HAPSTR1: variants seen among roughly 807,000 people sequenced by gnomAD.
HAPSTR1 encodes HUWE1-associated protein modifying stress responses 1.
At chr16:9,103,475 G>C in the HAPSTR1 span, 3 of 531,960 alleles carry the variant, frequency 5.6e-6, no homozygotes, top group Non-Finnish European at 9.8e-6. Flanking sequence ...AAGTTAGTTT[G>C]AGCTTATTGG....
the HAPSTR1 span, among the ~76,000 whole-genome samples, chr16:9,100,174 A>G: frequency 6.6e-6 from 1 of 152,222 alleles, no homozygotes; most frequent in East Asian, 1.9e-4. Context: ...GGGTTCTGAC[A>G]TTGAGACTTG....
chr16:9,094,366 T>G, the HAPSTR1 span, among the ~76,000 whole-genome samples: 1 of 152,188 alleles, frequency 6.6e-6, no homozygotes, highest in Admixed American at 6.6e-5. Flanking sequence ...TCTTGAACGT[T>G]TTGGAATGGC....
the HAPSTR1 span, chr16:9,116,825 C>A: frequency 6.2e-7 from 1 of 1,614,160 alleles, no homozygotes; most frequent in South Asian, 1.1e-5. Flanking sequence ...TCCACTTGGA[C>A]AATGGTGGAA....
At chr16:9,112,305 A>G in the HAPSTR1 span, 1 of 152,360 alleles carries the variant, frequency 6.6e-6, no homozygotes, top group African/African-American at 2.4e-5. Flanking sequence ...CCAATGCAAG[A>G]ATGCCAGTTT....
chr16:9,101,521 G>A, the HAPSTR1 span, among the ~76,000 whole-genome samples: 7 of 152,108 alleles, frequency 4.6e-5, no homozygotes, highest in Non-Finnish European at 1.0e-4. Context: ...TCATTTTAAA[G>A]TATTTTTTCT....
At chr16:9,096,901 T>G in the HAPSTR1 span, among the ~76,000 whole-genome samples, 1 of 152,110 alleles carries the variant, frequency 6.6e-6, no homozygotes, top group Non-Finnish European at 1.5e-5. Context: ...TACATAATAC[T>G]TATTTTTTAT....
At chr16:9,121,467 C>CGA in the HAPSTR1 span, 1 of 152,192 alleles carries the variant, frequency 6.6e-6, no homozygotes, top group South Asian at 2.1e-4. Flanking sequence ...CAGTTTTAAT[C>CGA]TGTTTTTTAC....
At chr16:9,121,536 A>C in the HAPSTR1 span, 1 of 152,140 alleles carries the variant, frequency 6.6e-6, no homozygotes, top group Admixed American at 6.5e-5. Context: ...TGCTGACTCT[A>C]CTACCAGGTC....
the HAPSTR1 span, among the ~76,000 whole-genome samples, chr16:9,115,296 C>A: frequency 6.6e-6 from 1 of 152,164 alleles, no homozygotes; most frequent in East Asian, 1.9e-4. Context: ...AAAGAATGGG[C>A]CCCTGTCAAA....
chr16:9,097,316 C>G, the HAPSTR1 span, among the ~76,000 whole-genome samples: 2,760 of 150,726 alleles, frequency 0.018, 83 homozygotes, highest in African/African-American at 0.062. Flanking sequence ...TGTCTCAGCT[C>G]ACTGTAACCT....
chr16:9,109,948 T>C, the HAPSTR1 span: 1 of 152,120 alleles, frequency 6.6e-6, no homozygotes, highest in Non-Finnish European at 1.5e-5. Context: ...TTGTCCTTTA[T>C]TTACTGAACA....
the HAPSTR1 span, chr16:9,110,646 T>TG: frequency 6.6e-6 from 1 of 152,244 alleles, no homozygotes; most frequent in Non-Finnish European, 1.5e-5. Flanking sequence ...CTCGCCCCTT[T>TG]GGTGTCACTC....
the HAPSTR1 span, among the ~76,000 whole-genome samples, chr16:9,092,482 G>A: frequency 3.2e-4 from 48 of 152,280 alleles, no homozygotes; most frequent in Middle Eastern, 0.01. Flanking sequence ...GAGCCGGCGT[G>A]GGGGTAGCCC....
the HAPSTR1 span, among the ~76,000 whole-genome samples, chr16:9,093,931 A>G: frequency 1.3e-5 from 2 of 152,124 alleles, no homozygotes; most frequent in South Asian, 2.1e-4. Context: ...AGACTTTTAA[A>G]AGTTGCTCAG....
At chr16:9,097,698 C>G in the HAPSTR1 span, among the ~76,000 whole-genome samples, 2 of 152,208 alleles carry the variant, frequency 1.3e-5, no homozygotes, top group Admixed American at 6.5e-5. Context: ...TCTGTTCTCC[C>G]CTGTGTGCAC....
the HAPSTR1 span, among the ~76,000 whole-genome samples, chr16:9,096,475 G>C: frequency 6.6e-6 from 1 of 152,146 alleles, no homozygotes; most frequent in African/African-American, 2.4e-5. Context: ...CCTCACTTTT[G>C]ATACATCTTG....
the HAPSTR1 span, chr16:9,106,770 TTC>T: frequency 6.6e-6 from 1 of 152,118 alleles, no homozygotes; most frequent in African/African-American, 2.4e-5. Context: ...CTAAATTGAT[TTC>T]TGTCTTGCTT....
the HAPSTR1 span, among the ~76,000 whole-genome samples, chr16:9,092,735 C>T: frequency 8.5e-5 from 13 of 152,244 alleles, no homozygotes; most frequent in African/African-American, 2.9e-4. Context: ...CCCGCCGCGA[C>T]CTCCCTGCCC....
chr16:9,116,631 A>G, the HAPSTR1 span: 10 of 1,600,012 alleles, frequency 6.2e-6, no homozygotes, highest in African/African-American at 8.1e-5. Context: ...AGGGTTACAT[A>G]ATTGAGCAAC....
Sources: gnomAD v4.1 joint callset for allele counts (sites outside exome capture counted in the v4.1 genomes callset) on GRCh38, gnomAD v4.1.1 for gene constraint, MANE v1.5 for transcripts, NCBI Gene and HGNC (gene_info 2026-07-23, HGNC 2026-07-21) for gene names.